GABRP: variants seen among roughly 807,000 people sequenced by gnomAD.
The protein encoded by GABRP is gamma-aminobutyric acid receptor subunit pi.
A neutral mutation model predicts 47.8 loss-of-function variants in GABRP; 52 were observed. That is an observed-to-expected ratio of 1.09 (90% CI 0.87 to 1.37). The LOEUF (loss-of-function observed/expected upper bound fraction) is 1.37. Among genes scored for constraint, GABRP ranks in the 40% most tolerant of loss-of-function variants. The probability of loss-of-function intolerance (pLI) is 0.00; values close to 1 mark genes in which losing one functional copy is unlikely to be tolerated. For missense variants in GABRP, 525 were observed against 542.8 expected, an observed-to-expected ratio of 0.97 and a Z score of 0.33; for synonymous variants, 221 against 205.8, an observed-to-expected ratio of 1.07 and a Z score of -0.63.
intron 1 of GABRP, among the ~76,000 whole-genome samples, chr5:170,784,916 G>A (rs1328966182): frequency 3.3e-5 from 5 of 152,166 alleles, no homozygotes; most frequent in Admixed American, 6.5e-5. Flanking sequence ...AGGGCCTCCT[G>A]AGCACCATGT....
intron 6 of GABRP, 78 bp from the exon 7 acceptor site, chr5:170,805,638 T>G: frequency 1.3e-6 from 2 of 1,495,908 alleles, no homozygotes; most frequent in Non-Finnish European, 1.8e-6. Context: ...GCTGTCTCCA[T>G]ATTATAGCAT....
rs1336056603 is a variant in GABRP, at chr5:170,794,095, T to C, written c.173-136T>C. 5 of 467,820 alleles carry C rather than the reference T, an allele frequency of 1.1e-5. No homozygotes were observed. The Admixed American group carries it at 2.0e-4, about 19-fold the overall frequency. 29.0% of individuals were successfully genotyped at this position (467,820 alleles called of 1,614,324 possible). ...GGGGATAAGAAAATTTTTCTTTTTA[T>C]ATTTATAGAATATTTAAATTTTTCT... On this transcript the variant is annotated intron_variant, in intron 3 of 9. Transcript: ENST00000265294.
intron 7 of GABRP, among the ~76,000 whole-genome samples, chr5:170,807,467 G>A (rs942846651): frequency 9.9e-5 from 15 of 152,202 alleles, no homozygotes; most frequent in East Asian, 1.9e-4. Context: ...AAAGAGGGTC[G>A]TTATTTAGTC....
In GABRP at chr5:170,795,211, T is replaced by C; in HGVS notation, c.244T>C (p.Tyr82His). 2 of 1,612,616 alleles carry C rather than the reference T, an allele frequency of 1.2e-6. No individual in the cohort carries two copies. Among genetic ancestry groups the C allele is most frequent in the Non-Finnish European group, 1.7e-6 (2 of 1,179,290 alleles). ...ATACCCTGCCTCCCCCTCCCAGGAC[T>C]ACACAGCCACCATATACCTCCGACA... ...ISSISESNMD[Y>H]TATIYLRQRW... The change falls in exon 5 of 10, where the codon TAC (tyrosine) becomes CAC (histidine). Residue 82 changes from tyrosine (Y) to histidine (H), a missense_variant. Coordinates refer to ENST00000265294, the MANE Select transcript of GABRP (RefSeq NM_014211.3).
intron 3 of GABRP, among the ~76,000 whole-genome samples, chr5:170,790,035 T>G (rs1169601746): frequency 6.6e-6 from 1 of 152,176 alleles, no homozygotes; most frequent in East Asian, 1.9e-4. Context: ...ATGCTATAAC[T>G]GATTTCATGT....
Position 170,797,312 on chromosome 5 carries a change from C to T in GABRP, c.459-154C>T, listed in dbSNP as rs541409334. Among the ~76,000 whole-genome samples, 89 of 152,344 alleles carry T rather than the reference C, an allele frequency of 5.8e-4. 1 individual carries two copies. Among genetic ancestry groups the T allele is most frequent in the South Asian group, 4.3e-3 (21 of 4,828 alleles). On this transcript the variant is annotated intron_variant, in intron 5 of 9. Coordinates refer to ENST00000265294, the MANE Select transcript of GABRP (RefSeq NM_014211.3). Reference sequence around the variant, plus strand: ...AGCCTCATGCACACATTCTTTAGCACCCAGAGCCTCAAGGATGCTTTACAT... The same window carrying T: ...AGCCTCATGCACACATTCTTTAGCATCCAGAGCCTCAAGGATGCTTTACAT...
intron 7 of GABRP, among the ~76,000 whole-genome samples, chr5:170,807,055 C>A (rs1426173172): frequency 6.6e-6 from 1 of 151,986 alleles, no homozygotes; most frequent in Non-Finnish European, 1.5e-5. Flanking sequence ...CTTGGGTGAT[C>A]CTCCCACCTC....
intron 2 of GABRP, 134 bp downstream of exon 2, chr5:170,788,802 A>G: frequency 1.2e-6 from 1 of 800,232 alleles, no homozygotes; most frequent in South Asian, 1.5e-5. Context: ...GGAGCACCGA[A>G]CAATGAAACT....
chr5:170,799,919 A>G (rs1292694296), intron 6 of GABRP, among the ~76,000 whole-genome samples: 3 of 152,206 alleles, frequency 2.0e-5, no homozygotes, highest in Non-Finnish European at 4.4e-5. Context: ...ATACTACCCA[A>G]GGAAATTTAT....
intron 5 of GABRP, 37 bp downstream of exon 5, chr5:170,795,462 G>T (rs763166016): frequency 3.9e-6 from 6 of 1,537,312 alleles, no homozygotes; most frequent in Non-Finnish European, 5.4e-6. Flanking sequence ...GTGGAGGACG[G>T]CAGCTGGGAG....
At position 170,805,865 on chromosome 5, in the gene GABRP, G is replaced by A. The variant is rs562309526; in HGVS notation, c.679+12G>A. Reference sequence around the variant, plus strand: ...GCAGCAGGAGACAGGTAACTCATGTGACAAACTGTATGAAATAAAAATAAG... The same window carrying A: ...GCAGCAGGAGACAGGTAACTCATGTAACAAACTGTATGAAATAAAAATAAG... On this transcript the variant is annotated intron_variant, in intron 7 of 9. Transcript: ENST00000265294. 1.9e-6 allele frequency: 3 copies of A among 1,612,728 alleles called. No homozygotes were observed. The highest frequency in any genetic ancestry group is 2.5e-6 in the Non-Finnish European group (3 of 1,179,096).
chr5:170,810,098 T>C, intron 9 of GABRP: 2 of 545,442 alleles, frequency 3.7e-6, no homozygotes, highest in Admixed American at 3.1e-5. Flanking sequence ...TATTAATATA[T>C]ATTTACTATT....
At chr5:170,806,206 G>A (rs961658642) in intron 7 of GABRP, among the ~76,000 whole-genome samples, 6 of 152,160 alleles carry the variant, frequency 3.9e-5, no homozygotes, top group Non-Finnish European at 8.8e-5. Context: ...CAAAGATGAA[G>A]AAGACAGCAG....
chr5:170,795,862 T>C (rs917199612), intron 5 of GABRP, among the ~76,000 whole-genome samples: 2 of 152,208 alleles, frequency 1.3e-5, no homozygotes, highest in East Asian at 3.8e-4. Flanking sequence ...GGAACTTTCC[T>C]TTCTTGGGGC....
chr5:170,813,855 C>T lies in GABRP; in HGVS notation c.*1597C>T, dbSNP rs373519994. 7.9e-5 allele frequency: 12 copies of T among 152,068 alleles called. No homozygotes were observed. Among genetic ancestry groups the T allele is most frequent in the African/African-American group, 2.4e-4 (10 of 41,464 alleles). The allele number at this position is 152,068 out of a possible 1,614,324, so 9.4% of individuals were successfully genotyped here. A position where few individuals can be genotyped will look rare whatever the true frequency, so the allele number is the denominator to read the frequency against. On this transcript the variant is annotated 3_prime_UTR_variant, in exon 10 of 10. Coordinates refer to ENST00000265294, the MANE Select transcript of GABRP (RefSeq NM_014211.3). ...GATTTTTTTAACAAAATATTTCTAA[C>T]GGGAATGGGTGGGAGTGCTGGTGAA...
chr5:170,785,753 G>T (rs1229344463), intron 1 of GABRP, among the ~76,000 whole-genome samples: 2 of 152,196 alleles, frequency 1.3e-5, no homozygotes, highest in African/African-American at 4.8e-5. Flanking sequence ...AGGAGGAAAT[G>T]AGGAATATGC....
chr5:170,805,517 G>A (rs150434657), intron 6 of GABRP, among the ~76,000 whole-genome samples, 199 bp from the exon 7 acceptor site: 63 of 152,276 alleles, frequency 4.1e-4, no homozygotes, highest in African/African-American at 1.3e-3. Context: ...ACGGCAAATC[G>A]TCCTGGCAGG....
intron 5 of GABRP, 95 bp downstream of exon 5, chr5:170,795,520 C>A: frequency 1.0e-6 from 1 of 955,610 alleles, no homozygotes. Flanking sequence ...ACTCAAATAG[C>A]CACTGTGAGG....
Position 170,812,538 on chromosome 5 carries a change from C to G in GABRP, c.*280C>G. 2.9e-6 allele frequency: 1 copy of G among 344,012 alleles called. No homozygotes were observed. The highest frequency in any genetic ancestry group is 5.3e-6 in the Non-Finnish European group (1 of 188,116). 21.3% of individuals were successfully genotyped at this position (344,012 alleles called of 1,614,324 possible). A position where few individuals can be genotyped will look rare whatever the true frequency, so the allele number is the denominator to read the frequency against. ...CCCAAGATTACAAATGTACTCAGGG[C>G]TGTTTATTCGGTGGCTCCCTGGTTT... On this transcript the variant is annotated 3_prime_UTR_variant, in exon 10 of 10. Coordinates refer to ENST00000265294, the MANE Select transcript of GABRP (RefSeq NM_014211.3).
Sources: allele counts gnomAD v4.1 joint callset (sites outside exome capture counted in the v4.1 genomes callset), GRCh38; gene constraint gnomAD v4.1.1; transcripts MANE v1.5; gene names NCBI Gene and HGNC (gene_info 2026-07-23, HGNC 2026-07-21).